Variants in TDRD9 observed in about 807,000 individuals in gnomAD.
TDRD9 encodes the protein tudor domain containing 9, also known as ATP-dependent RNA helicase TDRD9.
A neutral mutation model predicts 172.6 loss-of-function variants in TDRD9; 124 were observed. That is an observed-to-expected ratio of 0.72 (90% CI 0.62 to 0.83). TDRD9 has a LOEUF of 0.83. Ranked by LOEUF, TDRD9 falls within the 40% of genes least tolerant of loss-of-function variation. The pLI, the probability that TDRD9 is intolerant of heterozygous loss-of-function variation, is 0.00. For synonymous variants in TDRD9, 619 were observed against 617.1 expected (o/e 1.00, Z -0.05); for missense variants, 1,479 against 1,714.1 (o/e 0.86, Z 2.42).
intron 11 of TDRD9, among the ~76,000 whole-genome samples, chr14:103,995,317 CA>C (rs2034018281): frequency 1.3e-5 from 2 of 152,120 alleles, no homozygotes; most frequent in South Asian, 2.1e-4. Context: ...TTGAGGTGAT[CA>C]GGGGGCCTGA....
intron 8 of TDRD9, among the ~76,000 whole-genome samples, chr14:103,986,687 A>G (rs575315919): frequency 2.6e-5 from 4 of 152,222 alleles, no homozygotes; most frequent in Non-Finnish European, 5.9e-5. Context: ...TTCATTTACT[A>G]TAAAGACATA....
intron 34 of TDRD9, among the ~76,000 whole-genome samples, chr14:104,048,555 G>T (rs1236859457): frequency 6.6e-6 from 1 of 152,122 alleles, no homozygotes; most frequent in African/African-American, 2.4e-5. Flanking sequence ...TTTGCCATTG[G>T]AGCTAAGTAT....
chr14:104,015,032 TTGA>T (rs2034744439), intron 21 of TDRD9, among the ~76,000 whole-genome samples, 191 bp downstream of exon 21: 1 of 152,210 alleles, frequency 6.6e-6, no homozygotes, highest in Non-Finnish European at 1.5e-5. Context: ...ATTTGTTGAG[TTGA>T]TGATTCACCT....
At chr14:103,975,640 C>T (rs2152167337) in intron 7 of TDRD9, 87 bp downstream of exon 7, 4 of 1,312,564 alleles carry the variant, frequency 3.0e-6, no homozygotes, top group Non-Finnish European at 3.0e-6. Context: ...TTGTAAGGCC[C>T]TGCGAGAAAA....
intron 32 of TDRD9, among the ~76,000 whole-genome samples, chr14:104,039,051 A>G (rs888380438): frequency 2.0e-5 from 3 of 152,210 alleles, no homozygotes; most frequent in Admixed American, 6.5e-5. Flanking sequence ...ATTGACTCAC[A>G]GTTCTGCACG....
At chr14:104,000,282 C>T (rs974053844) in intron 13 of TDRD9, among the ~76,000 whole-genome samples, 9 of 145,322 alleles carry the variant, frequency 6.2e-5, no homozygotes, top group African/African-American at 2.4e-4. Flanking sequence ...GAGCTGAGAT[C>T]GCACACACTG....
rs368447966 is a variant in TDRD9 at position 104,005,330 on chromosome 14, G to A, written c.1638G>A (p.Pro546=). ...LKVKLLDMGE[P]RALLATALSP... ...TGAAATTACTTGACATGGGTGAGCCGAGAGCTCTGCTGGCCACTGCCCTTT... is the reference window on the plus strand; with the variant it reads ...TGAAATTACTTGACATGGGTGAGCCAAGAGCTCTGCTGGCCACTGCCCTTT... The change falls in exon 15 of 36, where the codon CCG becomes CCA. Residue 546 remains proline (P), a synonymous_variant. Transcript: ENST00000409874. 63 of 1,613,812 alleles carry A rather than the reference G, an allele frequency of 3.9e-5. No individual in the cohort carries two copies. The highest frequency in any genetic ancestry group is 1.5e-4 in the Admixed American group (9 of 60,002).
rs142567182 is a variant in TDRD9, at chr14:103,963,719, G to GT, written c.420+544dup. Among the ~76,000 whole-genome samples the GT allele has an allele frequency of 1.7e-4, 26 of 152,272 alleles. No homozygotes were observed. The East Asian group carries it at 4.2e-3, about 25-fold the overall frequency. On this transcript the variant is annotated intron_variant, in intron 3 of 35. Coordinates refer to ENST00000409874, the MANE Select transcript of TDRD9 (RefSeq NM_153046.3). ...TTATTAAGCATCGTTAAGAGTAAGC[G>GT]TATCGGAACCTTTATTAACTGGAAG...
chr14:103,943,031 C>A (rs1196768948), intron 1 of TDRD9, among the ~76,000 whole-genome samples: 1 of 151,316 alleles, frequency 6.6e-6, no homozygotes, highest in African/African-American at 2.4e-5. Flanking sequence ...GTAGAAAAAT[C>A]ATTTTCGTGT....
chr14:103,991,853 G>A lies in TDRD9; in HGVS notation c.1180+629G>A, dbSNP rs185355084. Among the ~76,000 whole-genome samples, 6 of 151,892 alleles carry A rather than the reference G, an allele frequency of 4.0e-5. No individual in the cohort carries two copies. The East Asian group carries it at 1.2e-3, about 29-fold the overall frequency. ...GCTCACTGCAACCTCTGCCTCCTGG[G>A]TTCAAGTGATTCTCCTGCCTAAGCC... On this transcript the variant is annotated intron_variant, in intron 9 of 35. Transcript: ENST00000409874.
rs754939858 is a variant in TDRD9 at position 104,004,306 on chromosome 14, A to G, written c.1552A>G (p.Ile518Val). The G allele has an allele frequency of 5.0e-6, 8 of 1,599,326 alleles. No individual in the cohort carries two copies. Among genetic ancestry groups the G allele is most frequent in the Non-Finnish European group, 5.1e-6 (6 of 1,169,004 alleles). Residue 518 changes from isoleucine (I) to valine (V), a missense_variant, in exon 14 of 36, where the codon ATC becomes GTC. Ile to Val is a conservative substitution (Grantham distance 29). Around this residue, in one of 3 missense-constraint regions of TDRD9, gnomAD observed 1,413 missense variants for 1,649.1 expected, o/e 0.86. Transcript: ENST00000409874. ...ACACAAGGATTTCTGGGACAACTCC[A>G]TCCCTGATCATGTTGTTCCTGAGAT... is the stretch of plus-strand genomic sequence containing the variant. ...LVHKDFWDNS[I>V]PDHVVPEMLR... is the part of the protein sequence containing the mutation.
Position 104,003,055 on chromosome 14 carries a change from A to C in TDRD9, c.1484-1183A>C, listed in dbSNP as rs528641651. Among the ~76,000 whole-genome samples, 3 of 152,154 alleles carry C rather than the reference A, an allele frequency of 2.0e-5. No homozygotes were observed. In the East Asian group the frequency reaches 5.8e-4, roughly 29 times the overall value. ...AACTTTCCCTTTTGGTCAACCTGTC[A>C]AGATTAAGAGGTTGACCAAAACCTT... On this transcript the variant is annotated intron_variant, in intron 13 of 35. Transcript: ENST00000409874.
At chr14:104,018,304 G>T in intron 23 of TDRD9, 112 bp downstream of exon 23, 1 of 651,286 alleles carries the variant, frequency 1.5e-6, no homozygotes, top group Non-Finnish European at 2.6e-6. Context: ...CCTCCTATGG[G>T]CTGCTGCAAT....
At chr14:103,939,741 G>GGGTTTTTTTTT (rs2031074764) in intron 1 of TDRD9, 1 of 4,640 alleles carries the variant, frequency 2.2e-4, no homozygotes, top group Non-Finnish European at 9.5e-4. Context: ...TTGAAAAAAA[G>GGGTTTTTTTTT]TGTTTTTTTT....
At chr14:104,008,278 T>C in intron 19 of TDRD9, 135 bp from the exon 20 acceptor site, 3 of 590,024 alleles carry the variant, frequency 5.1e-6, no homozygotes, top group Non-Finnish European at 9.1e-6. Context: ...GGAGAGGGAG[T>C]GCCACTGTCA....
chr14:103,945,652 C>T (rs2031517111), intron 1 of TDRD9: 1 of 152,128 alleles, frequency 6.6e-6, no homozygotes, highest in African/African-American at 2.4e-5. Flanking sequence ...GCTGTTAGGT[C>T]CTTTGCTTTT....
At chr14:104,048,616 C>G (rs1409069126) in intron 34 of TDRD9, among the ~76,000 whole-genome samples, 1 of 152,036 alleles carries the variant, frequency 6.6e-6, no homozygotes, top group East Asian at 1.9e-4. Context: ...CTTCCCTGGC[C>G]TCTATTTTTC....
intron 7 of TDRD9, among the ~76,000 whole-genome samples, chr14:103,981,678 A>T (rs529340627): frequency 6.6e-6 from 1 of 152,352 alleles, no homozygotes; most frequent in East Asian, 1.9e-4. Context: ...GCCTACCTTG[A>T]ATGAGTTCAG....
chr14:104,042,239 C>A, intron 34 of TDRD9, 52 bp downstream of exon 34: 1 of 1,235,092 alleles, frequency 8.1e-7, no homozygotes, highest in Non-Finnish European at 1.2e-6. Flanking sequence ...ACTTTCTCAG[C>A]TGCCTTGATC....
Sources: gnomAD v4.1 joint callset for allele counts (sites outside exome capture counted in the v4.1 genomes callset) on GRCh38, gnomAD v4.1.1 for gene constraint, gnomAD v4.1.1 regional missense constraint, MANE v1.5 for transcripts, NCBI Gene and HGNC (gene_info 2026-07-23, HGNC 2026-07-21) for gene names.